EIF2AK4: variants seen among roughly 807,000 people sequenced by gnomAD.
EIF2AK4 encodes the protein eIF-2-alpha kinase GCN2.
In EIF2AK4, 139 loss-of-function variants were observed where a neutral mutation model predicts 211.1. That is an observed-to-expected ratio of 0.66 (90% CI 0.57 to 0.76). EIF2AK4 has a LOEUF of 0.76. EIF2AK4 is among the 30% of genes least tolerant of loss of function. The pLI, the probability that EIF2AK4 is intolerant of heterozygous loss-of-function variation, is 0.00. For missense variants in EIF2AK4, 1,664 were observed against 2,043.8 expected, an observed-to-expected ratio of 0.81 and a Z score of 3.58; for synonymous variants, 710 against 751.3, an observed-to-expected ratio of 0.94 and a Z score of 0.90.
Position 40,003,264 on chromosome 15 carries a change from C to T in EIF2AK4, c.3307C>T (p.Leu1103=), listed in dbSNP as rs778131744. 24 of 1,614,206 alleles carry T rather than the reference C, an allele frequency of 1.5e-5. No individual in the cohort carries two copies. Among genetic ancestry groups the T allele is most frequent in the Non-Finnish European group, 2.0e-5 (24 of 1,180,036 alleles). The part of the protein sequence containing the change: ...RQIYEHNEAA[L]FMDHSGMLVM... Reference sequence around the variant, plus strand: ...AATATATGAGCACAACGAAGCTGCCCTATTCATGGACCACAGCGGGATGCT... The same window carrying T: ...AATATATGAGCACAACGAAGCTGCCTTATTCATGGACCACAGCGGGATGCT... Residue 1103 remains leucine (L), a synonymous_variant, in exon 23 of 39, where the codon CTA becomes TTA. Transcript: ENST00000263791.
At chr15:40,018,157 A>C (rs1018196659) in intron 29 of EIF2AK4, among the ~76,000 whole-genome samples, 18 of 152,226 alleles carry the variant, frequency 1.2e-4, no homozygotes, top group African/African-American at 4.3e-4. Context: ...ACTGTTAAAT[A>C]TAATTATAAA....
At chr15:40,005,421 C>T (rs1051902583) in intron 23 of EIF2AK4, among the ~76,000 whole-genome samples, 5 of 151,302 alleles carry the variant, frequency 3.3e-5, no homozygotes, top group Non-Finnish European at 5.9e-5. Context: ...CACTTGAACC[C>T]GGGAGGCGGA....
intron 3 of EIF2AK4, among the ~76,000 whole-genome samples, chr15:39,944,364 G>A (rs74501688): frequency 0.061 from 9,252 of 151,334 alleles, 440 homozygotes; most frequent in East Asian, 0.26. Flanking sequence ...GAAGTATAAC[G>A]CTTCTTTGCC....
Position 40,009,794 on chromosome 15 carries a change from A to G in EIF2AK4, c.3693+64A>G, listed in dbSNP as rs2035211922. On this transcript the variant is annotated intron_variant, in intron 26 of 38. Transcript: ENST00000263791. ...CTTGATGTTGAAAGATAATAATAAT[A>G]GTTCCTGATGATTTTCTTACCCATG... is the stretch of plus-strand genomic sequence containing the variant. 3 of 1,162,596 alleles carry G rather than the reference A, an allele frequency of 2.6e-6. No homozygotes were observed. The East Asian group carries it at 7.4e-5, about 29-fold the overall frequency. 72.0% of individuals were successfully genotyped at this position (1,162,596 alleles called of 1,614,324 possible). A position where few individuals can be genotyped will look rare whatever the true frequency, so the allele number is the denominator to read the frequency against.
At chr15:40,025,399 G>A (rs189298634) in intron 32 of EIF2AK4, among the ~76,000 whole-genome samples, 1 of 152,272 alleles carries the variant, frequency 6.6e-6, no homozygotes, top group East Asian at 1.9e-4. Flanking sequence ...TAGAGTGAGG[G>A]AGAAACCGAG....
chr15:40,002,710 T>C lies in EIF2AK4; in HGVS notation c.3160-3T>C. ...GATGATGTTTTAATCGGTCCTGTTT[T>C]AGGGCAACTTCTCAATCCGTACAGC... is the stretch of plus-strand genomic sequence containing the variant. On this transcript the variant is annotated splice_polypyrimidine_tract_variant and splice_region_variant and intron_variant, in intron 21 of 38. Coordinates refer to ENST00000263791, the MANE Select transcript of EIF2AK4 (RefSeq NM_001013703.4). 6.2e-7 allele frequency: 1 copy of C among 1,614,200 alleles called. No homozygotes were observed. The highest frequency in any genetic ancestry group is 1.1e-5 in the South Asian group (1 of 91,076).
At chr15:39,943,007 A>G (rs2034168653) in intron 2 of EIF2AK4, among the ~76,000 whole-genome samples, 1 of 151,894 alleles carries the variant, frequency 6.6e-6, no homozygotes, top group Admixed American at 6.5e-5. Context: ...ACTGGGCTAG[A>G]GTCAGCTGCA....
chr15:39,973,701 T>G lies in EIF2AK4; in HGVS notation c.1770T>G (p.Phe590Leu). The G allele has an allele frequency of 6.2e-7, 1 of 1,614,190 alleles. No individual in the cohort carries two copies. Among genetic ancestry groups the G allele is most frequent in the Non-Finnish European group, 8.5e-7 (1 of 1,180,006 alleles). The change falls in exon 11 of 39, where the codon TTT (phenylalanine) becomes TTG (leucine). Residue 590 changes from phenylalanine (F) to leucine (L), a missense_variant. Physicochemically the swap from Phe to Leu is conservative, Grantham distance 22. Transcript: ENST00000263791. ...AGTTTTCCCGATACTTCATTGAGTT[T>G]GAAGAATTACAACTTCTTGGTAAAG... The part of the protein sequence containing the change: ...QRQFSRYFIE[F>L]EELQLLGKGA...
chr15:39,955,549 A>G, intron 5 of EIF2AK4, 71 bp from the exon 6 acceptor site: 1 of 1,475,824 alleles, frequency 6.8e-7, no homozygotes, highest in South Asian at 1.3e-5. Context: ...TACTGAATTA[A>G]TAATTATGTA....
rs180924484 is a variant in EIF2AK4, at chr15:40,009,299, G to A, written c.3577-315G>A. Among the ~76,000 whole-genome samples the A allele has an allele frequency of 5.1e-4, 77 of 151,850 alleles. 1 individual carries two copies. The Middle Eastern group carries it at 0.017, about 34-fold the overall frequency. On this transcript the variant is annotated intron_variant, in intron 25 of 38. Transcript: ENST00000263791. ...AGATGGGGTTTCCCTATGTTCCCCAGGCTGGTCTTGAACTCTTGAGCTCAA... is the reference window on the plus strand; with the variant it reads ...AGATGGGGTTTCCCTATGTTCCCCAAGCTGGTCTTGAACTCTTGAGCTCAA...
In EIF2AK4 at chr15:39,976,573, G is replaced by A. The variant is rs1405015521; in HGVS notation, c.1978G>A (p.Glu660Lys). The change falls in exon 12 of 39, where the codon GAG (glutamate) becomes AAG (lysine). Residue 660 changes from glutamate (E) to lysine (K), a missense_variant. By Grantham distance (56) the Glu-to-Lys change is moderately conservative. Coordinates refer to ENST00000263791, the MANE Select transcript of EIF2AK4 (RefSeq NM_001013703.4). Reference protein sequence around the residue: ...RYYNAWIERHERPAGPGTPPP... With the variant: ...RYYNAWIERHKRPAGPGTPPP... ...CTACAACGCCTGGATCGAGCGGCAC[G>A]AGCGGCCGGCGGGACCGGGGACGCC... 6.2e-7 allele frequency: 1 copy of A among 1,611,758 alleles called. No individual in the cohort carries two copies. The highest frequency in any genetic ancestry group is 1.7e-5 in the Admixed American group (1 of 59,930).
rs757541478 is a variant in EIF2AK4 at position 40,029,462 on chromosome 15, C to T, written c.4559C>T (p.Ser1520Leu). Residue 1520 changes from serine to leucine, a missense_variant and splice_region_variant, in exon 34 of 39, where the codon TCA (serine) becomes TTA (leucine). Physicochemically the swap from Ser to Leu is moderately radical, Grantham distance 145. This residue lies in a region of EIF2AK4 where 138 missense variants were observed against 165.1 expected (regional missense o/e 0.84). Transcript: ENST00000263791. ...CTGAAGGGGTCATTTTCTAATGCTTCAGGTATAATTACTAATTATAATCTG... is the reference window on the plus strand; with the variant it reads ...CTGAAGGGGTCATTTTCTAATGCTTTAGGTATAATTACTAATTATAATCTG... ...QNLKGSFSNA[S>L]GLFEIHGATV... 1.2e-6 allele frequency: 2 copies of T among 1,612,876 alleles called. No homozygotes were observed. Among genetic ancestry groups the T allele is most frequent in the South Asian group, 2.2e-5 (2 of 90,958 alleles).
chr15:40,031,113 G>A (rs544939062), intron 35 of EIF2AK4, among the ~76,000 whole-genome samples: 16 of 152,224 alleles, frequency 1.1e-4, no homozygotes, highest in African/African-American at 2.6e-4. Flanking sequence ...GGTGGCAAAC[G>A]CCTGTAATCC....
chr15:40,032,831 G>C (rs1301452659), intron 37 of EIF2AK4, 30 bp downstream of exon 37: 1 of 1,590,008 alleles, frequency 6.3e-7, no homozygotes, highest in African/African-American at 1.4e-5. Flanking sequence ...CTGCACTGTG[G>C]CCTTTAAGAT....
chr15:40,000,874 G>A, intron 20 of EIF2AK4, 114 bp from the exon 21 acceptor site: 1 of 1,009,638 alleles, frequency 9.9e-7, no homozygotes, highest in Non-Finnish European at 1.5e-6. Flanking sequence ...TGTCAGTTAA[G>A]TGCAAGAATA....
intron 8 of EIF2AK4, among the ~76,000 whole-genome samples, chr15:39,966,356 C>T (rs1353139684): frequency 1.3e-5 from 2 of 151,846 alleles, no homozygotes; most frequent in African/African-American, 4.8e-5. Context: ...GTGGTCCCAG[C>T]TGCTTGGGAG....
At chr15:39,994,952 C>T (rs2034999773) in intron 18 of EIF2AK4, among the ~76,000 whole-genome samples, 1 of 152,168 alleles carries the variant, frequency 6.6e-6, no homozygotes, top group East Asian at 1.9e-4. Context: ...AGCAATTCTC[C>T]TGCCTCAGAC....
At chr15:40,019,533 C>T (rs553744837) in intron 30 of EIF2AK4, among the ~76,000 whole-genome samples, 34 of 152,274 alleles carry the variant, frequency 2.2e-4, no homozygotes, top group African/African-American at 7.7e-4. Context: ...CTGAGCTCCA[C>T]CTCCTGTCAG....
At chr15:40,018,070 A>G (rs1257046587) in intron 29 of EIF2AK4, among the ~76,000 whole-genome samples, 1 of 152,120 alleles carries the variant, frequency 6.6e-6, no homozygotes, top group Non-Finnish European at 1.5e-5. Flanking sequence ...CTCATGCCCC[A>G]TTTATAATAT....
Sources: gnomAD v4.1 joint callset for allele counts (sites outside exome capture counted in the v4.1 genomes callset) on GRCh38, gnomAD v4.1.1 for gene constraint, gnomAD v4.1.1 regional missense constraint, MANE v1.5 for transcripts, NCBI Gene and HGNC (gene_info 2026-07-23, HGNC 2026-07-21) for gene names.